Variants in PSMA7 observed in about 807,000 individuals in gnomAD.
The protein encoded by PSMA7 is proteasome subunit alpha type-7.
Under a neutral mutation model 31.3 loss-of-function variants are expected in PSMA7, and 5 were observed. The observed-to-expected ratio is 0.16, with a 90% confidence interval of 0.08 to 0.34. PSMA7 has a LOEUF of 0.34. Ranked by LOEUF, PSMA7 falls within the 10% of genes least tolerant of loss-of-function variation. PSMA7 has a pLI of 1.00. For missense variants in PSMA7, 217 were observed against 327.5 expected (o/e 0.66, Z 2.60); for synonymous variants, 155 against 121.9 (o/e 1.27, Z -1.79).
intron 4 of PSMA7, 85 bp from the exon 5 acceptor site, chr20:62,138,375 G>A (rs1053477437): frequency 7.3e-6 from 11 of 1,497,334 alleles, no homozygotes; most frequent in East Asian, 7.0e-5. Context: ...TACATGGGCC[G>A]CCCAGCCAGT....
At chr20:62,140,789 GTA>G in intron 2 of PSMA7, 27 bp downstream of exon 2, 1 of 1,613,142 alleles carries the variant, frequency 6.2e-7, no homozygotes, top group Non-Finnish European at 8.5e-7. Flanking sequence ...ACTCTAGAGA[GTA>G]AGACAGCGCT....
intron 5 of PSMA7, 85 bp downstream of exon 5, chr20:62,138,086 C>T (rs2056905764): frequency 1.3e-6 from 2 of 1,581,222 alleles, no homozygotes; most frequent in Non-Finnish European, 1.7e-6. Context: ...ATCCTTGCCA[C>T]CTTCCTTCCT....
chr20:62,139,755 G>C, intron 3 of PSMA7, 26 bp downstream of exon 3: 1 of 1,613,846 alleles, frequency 6.2e-7, no homozygotes, highest in African/African-American at 1.3e-5. Context: ...TGCCAGAGGT[G>C]AGCATGCAAG....
intron 4 of PSMA7, 126 bp from the exon 5 acceptor site, chr20:62,138,416 G>T: frequency 7.9e-7 from 1 of 1,267,864 alleles, no homozygotes; most frequent in Non-Finnish European, 1.1e-6. Flanking sequence ...TGGAGTGCTG[G>T]ACAGCAGCTG....
chr20:62,140,121 A>G (rs58437914), intron 2 of PSMA7, among the ~76,000 whole-genome samples: 1,998 of 152,162 alleles, frequency 0.013, 54 homozygotes, highest in African/African-American at 0.046. Flanking sequence ...ATCCCGCTAA[A>G]CTCATCGTAA....
At chr20:62,140,965 C>T in intron 1 of PSMA7, 21 bp from the exon 2 acceptor site, 1 of 1,613,592 alleles carries the variant, frequency 6.2e-7, no homozygotes, top group Non-Finnish European at 8.5e-7. Flanking sequence ...GATCCACAAA[C>T]CACGTAAGAA....
intron 3 of PSMA7, 199 bp downstream of exon 3, chr20:62,139,582 T>A (rs1284984906): frequency 1.1e-6 from 1 of 872,434 alleles, no homozygotes. Context: ...GAATATCCCA[T>A]GCCAGGAACT....
intron 1 of PSMA7, chr20:62,142,379 C>T (rs1600970197): frequency 6.6e-6 from 1 of 152,324 alleles, no homozygotes; most frequent in East Asian, 1.9e-4. Context: ...AAAATGAAAA[C>T]AAATCAAAAT....
chr20:62,138,237 GTTC>G lies in PSMA7; in HGVS notation c.522_524del (p.Lys174del), dbSNP rs1443449233. 8.1e-6 allele frequency: 13 copies of G among 1,613,994 alleles called. No individual in the cohort carries two copies. Among genetic ancestry groups the G allele is most frequent in the African/African-American group, 5.3e-5 (4 of 74,940 alleles). On this transcript the variant is annotated inframe_deletion, in exon 5 of 7. Coordinates refer to ENST00000370873, the MANE Select transcript of PSMA7 (RefSeq NM_002792.4). The stretch of plus-strand genomic sequence containing the variant: ...CTGTTTCAATGGCTTCGTCAGTATA[GTTC>G]TTCTCCAGGAACTCGCGCACTGACT...
intron 1 of PSMA7, among the ~76,000 whole-genome samples, chr20:62,142,997 C>G (rs1184737587): frequency 5.3e-5 from 8 of 150,092 alleles, no homozygotes; most frequent in Non-Finnish European, 5.9e-5. Flanking sequence ...GGAGAACGAG[C>G]GCTCGCGGCT....
chr20:62,143,315 G>A lies in PSMA7; in HGVS notation c.-12C>T. The A allele has an allele frequency of 7.2e-7, 1 of 1,394,708 alleles. No homozygotes were observed. The highest frequency in any genetic ancestry group is 3.3e-5 in the East Asian group (1 of 30,022). 86.4% of individuals were successfully genotyped at this position (1,394,708 alleles called of 1,614,324 possible). A position where few individuals can be genotyped will look rare whatever the true frequency, so the allele number is the denominator to read the frequency against. ...CGGTCGTAGCTCATGCCGGCGGGCG[G>A]CGGCCGGGCTCCTTCCGCCGCGACT... On this transcript the variant is annotated 5_prime_UTR_variant, in exon 1 of 7. Transcript: ENST00000370873.
chr20:62,140,038 A>T (rs904725032), intron 2 of PSMA7, 133 bp from the exon 3 acceptor site: 2 of 1,231,904 alleles, frequency 1.6e-6, no homozygotes, highest in Non-Finnish European at 2.2e-6. Flanking sequence ...ACTGACTGGC[A>T]GCGGAACCTA....
At position 62,142,900 on chromosome 20, in the gene PSMA7, G is replaced by T. The variant is rs1437534152; in HGVS notation, c.96+308C>A. Among the ~76,000 whole-genome samples the T allele has an allele frequency of 4.6e-5, 7 of 150,650 alleles. No individual in the cohort carries two copies. The East Asian group carries it at 1.4e-3, about 29-fold the overall frequency. The stretch of plus-strand genomic sequence containing the variant: ...GCGGCGCGACCCACGCGCCCGGCCG[G>T]GGCCAGGGGTGCTCAAGATGGCGTC... On this transcript the variant is annotated intron_variant, in intron 1 of 6. Transcript: ENST00000370873.
intron 4 of PSMA7, 91 bp from the exon 5 acceptor site, chr20:62,138,381 C>CCAGTGG: frequency 6.7e-7 from 1 of 1,489,036 alleles, no homozygotes; most frequent in Non-Finnish European, 8.9e-7. Context: ...GGCCGCCCAG[C>CCAGTGG]CAGTGGCAGT....
intron 2 of PSMA7, 76 bp downstream of exon 2, chr20:62,140,742 A>G: frequency 6.5e-7 from 1 of 1,546,920 alleles, no homozygotes; most frequent in South Asian, 1.2e-5. Flanking sequence ...TAGCCCACAC[A>G]CCCAAGTTAA....
At position 62,137,440 on chromosome 20, in the gene PSMA7, A is replaced by G; in HGVS notation, c.592-14T>C. On this transcript the variant is annotated splice_polypyrimidine_tract_variant and intron_variant, in intron 5 of 6. Coordinates refer to ENST00000370873, the MANE Select transcript of PSMA7 (RefSeq NM_002792.4). ...TGACTGAACCACCTTGAAGGGACAG[A>G]AGACAGGAGCATTAACCACCTTTCC... 6.2e-7 allele frequency: 1 copy of G among 1,613,848 alleles called. No individual in the cohort carries two copies.
chr20:62,142,429 C>T (rs948339505), intron 1 of PSMA7: 4 of 152,292 alleles, frequency 2.6e-5, no homozygotes, highest in Admixed American at 2.0e-4. Flanking sequence ...CCTGCTCAAA[C>T]CTCTGAATAC....
chr20:62,142,082 C>T (rs1012844791), intron 1 of PSMA7, among the ~76,000 whole-genome samples: 1 of 152,184 alleles, frequency 6.6e-6, no homozygotes, highest in African/African-American at 2.4e-5. Context: ...GGAAAAGTCT[C>T]CACACACTGC....
At chr20:62,137,214 CTT>C (rs1462331565) in intron 6 of PSMA7, 148 bp downstream of exon 6, 13 of 935,940 alleles carry the variant, frequency 1.4e-5, no homozygotes, top group Middle Eastern at 2.2e-4. Context: ...GGAATCTTCT[CTT>C]TGACGTATGG....
Sources: allele counts gnomAD v4.1 joint callset (sites outside exome capture counted in the v4.1 genomes callset), GRCh38; gene constraint gnomAD v4.1.1; transcripts MANE v1.5; gene names NCBI Gene and HGNC (gene_info 2026-07-23, HGNC 2026-07-21).